The following PIGZ variants were observed in gnomAD, a reference collection of about 807,000 sequenced individuals.
PIGZ encodes the protein GPI alpha-1,2-mannosyltransferase 4.
Under a neutral mutation model 16.4 loss-of-function variants are expected in PIGZ, and 16 were observed. The ratio of observed to expected loss-of-function variants is 0.97; its 90% CI spans 0.66 to 1.48. The LOEUF is 1.48. Ranked by LOEUF, PIGZ falls within the 40% of genes most tolerant of loss-of-function variation. The pLI is 0.00. For synonymous variants in PIGZ, 409 were observed against 338.4 expected (o/e 1.21, Z -2.29); for missense variants, 770 against 739.2 (o/e 1.04, Z -0.48).
intron 2 of PIGZ, among the ~76,000 whole-genome samples, chr3:196,949,251 G>A (rs1717164378): frequency 6.6e-6 from 1 of 151,950 alleles, no homozygotes; most frequent in Non-Finnish European, 1.5e-5. Context: ...TGTATCCTGA[G>A]ATTAGGTTAC....
chr3:196,964,769 C>T (rs146872456), intron 1 of PIGZ, among the ~76,000 whole-genome samples: 123 of 152,270 alleles, frequency 8.1e-4, no homozygotes, highest in African/African-American at 2.8e-3. Flanking sequence ...CAGGGTCTCA[C>T]TCTGTCACCC....
At position 196,947,803 on chromosome 3, in the gene PIGZ, C is replaced by G; in HGVS notation, c.1094G>C (p.Ser365Thr). 1 of 1,607,882 alleles carries G rather than the reference C, an allele frequency of 6.2e-7. No homozygotes were observed. Among genetic ancestry groups the G allele is most frequent in the Non-Finnish European group, 8.5e-7 (1 of 1,176,132 alleles). The change falls in exon 3 of 3, where the codon AGC becomes ACC. Residue 365 changes from serine to threonine, a missense_variant. By Grantham distance (58) the Ser-to-Thr change is moderately conservative. Coordinates refer to ENST00000412723, the MANE Select transcript of PIGZ (RefSeq NM_025163.4). ...GAGGAGAAGGAGATAGGACCTGGGGCTGGACAGCAGGCTCCGGGCACCCAG... is the reference window on the plus strand; with the variant it reads ...GAGGAGAAGGAGATAGGACCTGGGGGTGGACAGCAGGCTCCGGGCACCCAG... Reference protein sequence around the residue: ...RALGARSLLSSPRSYLLLLYF... With the variant: ...RALGARSLLSTPRSYLLLLYF...
At chr3:196,963,229 A>AT (rs1273795170) in intron 1 of PIGZ, among the ~76,000 whole-genome samples, 1 of 152,142 alleles carries the variant, frequency 6.6e-6, no homozygotes, top group Non-Finnish European at 1.5e-5. Context: ...AGTTGTTTCC[A>AT]TGTTTTGGCT....
At chr3:196,950,121 A>G (rs1717213379) in intron 2 of PIGZ, among the ~76,000 whole-genome samples, 2 of 151,706 alleles carry the variant, frequency 1.3e-5, no homozygotes, top group Admixed American at 1.3e-4. Flanking sequence ...AGTAGCTGGG[A>G]CTACAGGCGC....
At position 196,951,951 on chromosome 3, in the gene PIGZ, T is replaced by G. The variant is rs774722451; in HGVS notation, c.81A>C (p.Gln27His). Residue 27 changes from glutamine (Q) to histidine (H), a missense_variant, in exon 2 of 3, where the codon CAA (glutamine) becomes CAC (histidine). Gln to His is a conservative substitution (Grantham distance 24). Coordinates refer to ENST00000412723, the MANE Select transcript of PIGZ (RefSeq NM_025163.4). ...CCCTGACTGCCATCTTCAGATCCAG[T>G]TGTTGCCAACACACCGGGCCCAAAA... ...FQVLGPVCWQQLDLKMAVRVL... is the reference protein window; with the variant it reads ...FQVLGPVCWQHLDLKMAVRVL... 1.1e-5 allele frequency: 17 copies of G among 1,614,160 alleles called. 1 individual carries two copies. In the South Asian group the frequency reaches 1.9e-4, roughly 18 times the overall value.
chr3:196,966,820 T>A (rs559010872), intron 1 of PIGZ, among the ~76,000 whole-genome samples: 4 of 152,278 alleles, frequency 2.6e-5, no homozygotes, highest in South Asian at 2.1e-4. Context: ...ATTCATTCAT[T>A]CATTCAGAGG....
chr3:196,959,718 G>A (rs1014175085), intron 1 of PIGZ, among the ~76,000 whole-genome samples: 3 of 152,018 alleles, frequency 2.0e-5, no homozygotes, highest in Non-Finnish European at 4.4e-5. Context: ...ATTTTTTTTA[G>A]AGAGGGGGCT....
At chr3:196,958,921 G>C (rs116121245) in intron 1 of PIGZ, among the ~76,000 whole-genome samples, 3,000 of 152,200 alleles carry the variant, frequency 0.02, 104 homozygotes, top group African/African-American at 0.066. Flanking sequence ...AACATGAGGG[G>C]ATTGTGTTGC....
chr3:196,964,801 A>T (rs1167576543), intron 1 of PIGZ, among the ~76,000 whole-genome samples: 3 of 152,084 alleles, frequency 2.0e-5, no homozygotes, highest in Non-Finnish European at 4.4e-5. Flanking sequence ...CAGTGGCATG[A>T]TCTCAGCTCA....
chr3:196,962,774 G>C (rs1717771139), intron 1 of PIGZ, among the ~76,000 whole-genome samples: 1 of 151,712 alleles, frequency 6.6e-6, no homozygotes, highest in Non-Finnish European at 1.5e-5. Context: ...TTATGACACA[G>C]AGTCTTTTGT....
chr3:196,967,988 A>G (rs1717999747), intron 1 of PIGZ, among the ~76,000 whole-genome samples: 1 of 152,210 alleles, frequency 6.6e-6, no homozygotes, highest in African/African-American at 2.4e-5. Flanking sequence ...GGGCTGACGA[A>G]TGACTTTTGA....
chr3:196,967,261 T>C (rs1399308818), intron 1 of PIGZ, among the ~76,000 whole-genome samples: 1 of 152,138 alleles, frequency 6.6e-6, no homozygotes, highest in Non-Finnish European at 1.5e-5. Context: ...GTGCCCTGTT[T>C]CTCCGGCGCC....
chr3:196,956,602 C>T (rs932952805), intron 1 of PIGZ, among the ~76,000 whole-genome samples: 2 of 152,190 alleles, frequency 1.3e-5, no homozygotes, highest in African/African-American at 4.8e-5. Flanking sequence ...ATATCACAGA[C>T]CTTCTCAGTC....
intron 2 of PIGZ, 46 bp downstream of exon 2, chr3:196,951,775 G>A: frequency 3.1e-6 from 5 of 1,594,812 alleles, no homozygotes; most frequent in Non-Finnish European, 4.3e-6. Flanking sequence ...AGCTTCTCAA[G>A]CAGACTCTGC....
intron 1 of PIGZ, among the ~76,000 whole-genome samples, chr3:196,968,114 A>T (rs1160492314): frequency 6.6e-6 from 1 of 152,124 alleles, no homozygotes; most frequent in East Asian, 1.9e-4. Flanking sequence ...TGGCAGGGTC[A>T]CCTTTGCTTT....
At chr3:196,964,044 T>TTATTTATTTATTTA (rs10650839) in intron 1 of PIGZ, among the ~76,000 whole-genome samples, 2,276 of 151,344 alleles carry the variant, frequency 0.015, 35 homozygotes, top group African/African-American at 0.033. Flanking sequence ...TTATTTTTAT[T>TTATTTATTTATTTA]TTTATTTATT....
chr3:196,952,040 G>T lies in PIGZ; in HGVS notation c.1-9C>A. 6.2e-7 allele frequency: 1 copy of T among 1,611,412 alleles called. No individual in the cohort carries two copies. Among genetic ancestry groups the T allele is most frequent in the East Asian group, 2.2e-5 (1 of 44,868 alleles). On this transcript the variant is annotated splice_polypyrimidine_tract_variant and intron_variant, in intron 1 of 2. Transcript: ENST00000412723. ...GATCCACAGATCTGCATCTGTTGAG[G>T]ATAACAGTTGTTGGTTATCACGATG...
At chr3:196,951,065 G>A (rs1347848648) in intron 2 of PIGZ, among the ~76,000 whole-genome samples, 2 of 152,180 alleles carry the variant, frequency 1.3e-5, no homozygotes, top group Non-Finnish European at 2.9e-5. Context: ...CTTTTTCTGG[G>A]CACTTGGTCA....
chr3:196,964,383 G>A (rs1717845685), intron 1 of PIGZ, among the ~76,000 whole-genome samples: 1 of 146,204 alleles, frequency 6.8e-6, no homozygotes, highest in South Asian at 2.2e-4. Flanking sequence ...TTTTTGAGAT[G>A]GAGTCTTGCT....
Sources: gnomAD v4.1 joint callset for allele counts (sites outside exome capture counted in the v4.1 genomes callset) on GRCh38, gnomAD v4.1.1 for gene constraint, MANE v1.5 for transcripts, NCBI Gene and HGNC (gene_info 2026-07-23, HGNC 2026-07-21) for gene names.